Variants in FBXL18 observed in about 807,000 individuals in gnomAD.
FBXL18 encodes F-box/LRR-repeat protein 18.
FBXL18 carries 36 observed loss-of-function variants against 46.0 expected under a neutral mutation model. That is an observed-to-expected ratio of 0.78 (90% CI 0.60 to 1.03). The LOEUF is 1.03. Ranked by LOEUF, FBXL18 falls within the 50% of genes least tolerant of loss-of-function variation. FBXL18 has a pLI of 0.00. For missense variants in FBXL18, 977 were observed against 1,004.1 expected, an observed-to-expected ratio of 0.97 and a Z score of 0.36; for synonymous variants, 557 against 465.3, an observed-to-expected ratio of 1.20 and a Z score of -2.54.
chr7:5,490,122 T>C (rs753446155), intron 4 of FBXL18: 1 of 1,362,126 alleles, frequency 7.3e-7, no homozygotes, highest in Non-Finnish European at 9.8e-7. Context: ...AGCAGGGTTG[T>C]CGGCGCCCAG....
At chr7:5,467,329 T>C (rs550701735) in intron 4 of FBXL18, among the ~76,000 whole-genome samples, 12 of 150,438 alleles carry the variant, frequency 8.0e-5, no homozygotes, top group South Asian at 2.1e-4. Context: ...CCAGCCTGGG[T>C]GACAGAGCGA....
In FBXL18 at chr7:5,500,584, G is replaced by A; in HGVS notation, c.1685C>T (p.Ser562Phe). ...CATGCCCAGGTTGGCCAGCGACAGG[G>A]ACCGCAACTGCTGGCACTGCAGGCC... ...NIGLQCQQLR[S>F]LSLANLGMMG... The change falls in exon 3 of 5, where the codon TCC becomes TTC. Residue 562 changes from serine to phenylalanine, a missense_variant. By Grantham distance (155) the Ser-to-Phe change is radical (BLOSUM62 -2). Transcript: ENST00000382368. 1 of 1,613,532 alleles carries A rather than the reference G, an allele frequency of 6.2e-7. No individual in the cohort carries two copies. The highest frequency in any genetic ancestry group is 8.5e-7 in the Non-Finnish European group (1 of 1,179,904).
At position 5,475,837 on chromosome 7, in the gene FBXL18, C is replaced by T. The variant is rs1483562142; in HGVS notation, c.*5938G>A. On this transcript the variant is annotated 3_prime_UTR_variant, in exon 5 of 5. Transcript: ENST00000382368. This position sits in a 1 kb window ranked among gnomAD's most constrained non-coding sequence, Gnocchi z 4.2. ...AGTCCATTTTATTTGAAATTTTCCA[C>T]ATGCCACACATGTACATGAAAATTC... The T allele has an allele frequency of 6.6e-6, 1 of 152,268 alleles. No individual in the cohort carries two copies. The highest frequency in any genetic ancestry group is 6.5e-5 in the Admixed American group (1 of 15,278). The allele number at this position is 152,268 out of a possible 1,614,324, so 9.4% of individuals were successfully genotyped here. A position where few individuals can be genotyped will look rare whatever the true frequency, so the allele number is the denominator to read the frequency against.
chr7:5,511,249 A>T (rs1371306097), intron 1 of FBXL18, among the ~76,000 whole-genome samples: 1 of 151,754 alleles, frequency 6.6e-6, no homozygotes, highest in African/African-American at 2.4e-5. Flanking sequence ...ATCCTGGCTA[A>T]CACGGTGAAA....
Position 5,509,533 on chromosome 7 carries a change from A to C in FBXL18, c.19-3903T>G, listed in dbSNP as rs190460347. ...TATGGTGAAACCCCATGTCTACTAAAAACACAAAAATTAGCCAGGCGTGGT... is the reference window on the plus strand; with the variant it reads ...TATGGTGAAACCCCATGTCTACTAACAACACAAAAATTAGCCAGGCGTGGT... On this transcript the variant is annotated intron_variant, in intron 1 of 4. Transcript: ENST00000382368. 4.9e-3 allele frequency among the ~76,000 whole-genome samples: 743 copies of C among 151,970 alleles called. 2 individuals are homozygous for C. The highest frequency in any genetic ancestry group is 8.7e-3 in the Non-Finnish European group (592 of 67,976).
chr7:5,473,723 T>C (rs1783463450), downstream of FBXL18, among the ~76,000 whole-genome samples: 1 of 143,516 alleles, frequency 7.0e-6, no homozygotes, highest in African/African-American at 2.6e-5. Context: ...ATTGTGCCAC[T>C]GCACTCCAGC....
At chr7:5,475,292 A>G (rs1263624058), downstream of FBXL18, among the ~76,000 whole-genome samples, 2 of 152,082 alleles carry the variant, frequency 1.3e-5, no homozygotes, top group Non-Finnish European at 2.9e-5. The surrounding 1 kb of genome is among the most constrained non-coding windows in gnomAD (Gnocchi z 4.2). Flanking sequence ...ACTGCCCTCC[A>G]GCCTGGGCGA....
Position 5,501,204 on chromosome 7 carries a change from G to A in FBXL18, c.1065C>T (p.His355=). The A allele has an allele frequency of 6.2e-7, 1 of 1,613,336 alleles. No individual in the cohort carries two copies. Residue 355 remains histidine, a synonymous_variant, in exon 3 of 5, where the codon CAC becomes CAT. Coordinates refer to ENST00000382368, the MANE Select transcript of FBXL18 (RefSeq NM_024963.6). ...LASLNLSGCV[H]CLSPDSLLRK... ...GGAGCAGCGAGTCTGGGGACAGGCA[G>A]TGGACGCAGCCGCTGAGGTTCAAGC...
chr7:5,511,749 C>T (rs1318184222), intron 1 of FBXL18, among the ~76,000 whole-genome samples: 1 of 145,866 alleles, frequency 6.9e-6, no homozygotes, highest in African/African-American at 2.5e-5. Flanking sequence ...ACCTGGGCGA[C>T]AGAGCGAGAC....
At chr7:5,486,738 G>A (rs1783786719) in intron 4 of FBXL18, among the ~76,000 whole-genome samples, 1 of 152,216 alleles carries the variant, frequency 6.6e-6, no homozygotes, top group Non-Finnish European at 1.5e-5. Context: ...ACAGGAGGGT[G>A]ATGGCCATCA....
At position 5,454,857 on chromosome 7, in the gene FBXL18, G is replaced by A. The variant is rs1342661990; in HGVS notation, c.2001-7014C>T. Among the ~76,000 whole-genome samples the A allele has an allele frequency of 2.6e-5, 4 of 152,328 alleles. No individual in the cohort carries two copies. The East Asian group carries it at 7.7e-4, about 29-fold the overall frequency. ...TCCCCCACTGCCCATCAGCGCAGAT[G>A]GCCACCCGAGCTGCCAGTGAGAGAG... On this transcript the variant is annotated intron_variant and NMD_transcript_variant, in intron 4 of 6. Transcript: ENST00000415009.
chr7:5,465,767 C>T (rs1783332485), intron 4 of FBXL18, among the ~76,000 whole-genome samples: 1 of 152,122 alleles, frequency 6.6e-6, no homozygotes, highest in East Asian at 1.9e-4. Context: ...GAAGCCCAAA[C>T]CCCAGATTAT....
chr7:5,469,723 G>A (rs760890715), intron 4 of FBXL18, among the ~76,000 whole-genome samples: 8 of 152,160 alleles, frequency 5.3e-5, no homozygotes, highest in Non-Finnish European at 7.4e-5. Flanking sequence ...AGTAGAGTGC[G>A]TGTGGGGTGA....
chr7:5,500,697 C>A lies in FBXL18; in HGVS notation c.1572G>T (p.Val524=). Residue 524 remains valine (V), a synonymous_variant, in exon 3 of 5, where the codon GTG becomes GTT. Transcript: ENST00000382368. ...SRAQSVGDSE[V]AAIGQLAFLR... ...GGAAGGCCAGCTGGCCGATGGCGGC[C>A]ACCTCCGAGTCCCCGACACTCTGTG... 6.2e-7 allele frequency: 1 copy of A among 1,610,742 alleles called. No homozygotes were observed. Among genetic ancestry groups the A allele is most frequent in the Non-Finnish European group, 8.5e-7 (1 of 1,178,952 alleles).
At chr7:5,512,755 C>G (rs1043577414) in intron 1 of FBXL18, among the ~76,000 whole-genome samples, 1 of 152,116 alleles carries the variant, frequency 6.6e-6, no homozygotes, top group African/African-American at 2.4e-5. Flanking sequence ...GCAGTTGAGC[C>G]ACACACCGTT....
At chr7:5,466,669 G>T (rs1011571512) in intron 4 of FBXL18, among the ~76,000 whole-genome samples, 3 of 152,202 alleles carry the variant, frequency 2.0e-5, no homozygotes, top group African/African-American at 7.2e-5. Context: ...GGGATCTGGG[G>T]ACTGGGGCAT....
intron 4 of FBXL18, among the ~76,000 whole-genome samples, chr7:5,462,447 A>G (rs1330850566): frequency 6.6e-6 from 1 of 152,156 alleles, no homozygotes; most frequent in Admixed American, 6.5e-5. Context: ...ATAAAATTAC[A>G]TAAAACAGAA....
intron 4 of FBXL18, among the ~76,000 whole-genome samples, chr7:5,463,724 ATTTATTTTTTTTTTTTT>A (rs1286620481): frequency 5.0e-5 from 3 of 59,672 alleles, no homozygotes; most frequent in Non-Finnish European, 8.8e-5. Context: ...TTATTTATTT[ATTTATTTTTTTTTTTTT>A]TTTTTTTTTT....
chr7:5,481,561 T>G lies in FBXL18; in HGVS notation c.*214A>C. The G allele has an allele frequency of 3.4e-5, 16 of 465,836 alleles. No homozygotes were observed. The highest frequency in any genetic ancestry group is 1.3e-4 in the East Asian group (3 of 23,262). 28.9% of individuals were successfully genotyped at this position (465,836 alleles called of 1,614,324 possible). A position where few individuals can be genotyped will look rare whatever the true frequency, so the allele number is the denominator to read the frequency against. On this transcript the variant is annotated 3_prime_UTR_variant, in exon 5 of 5. Coordinates refer to ENST00000382368, the MANE Select transcript of FBXL18 (RefSeq NM_024963.6). ...ATCGACCGTCCCCCGAGCCCCCTCA[T>G]GTCACCCAGAACGCATCCCCTCGAC...
Sources: allele counts gnomAD v4.1 joint callset (sites outside exome capture counted in the v4.1 genomes callset), GRCh38; gene constraint gnomAD v4.1.1; non-coding constraint Gnocchi (gnomAD v3.1); transcripts MANE v1.5; gene names NCBI Gene and HGNC (gene_info 2026-07-23, HGNC 2026-07-21).